The following CHRNA7 variants were observed in gnomAD, a reference collection of about 807,000 sequenced individuals.
CHRNA7 encodes the protein cholinergic receptor nicotinic alpha 7 subunit.
In CHRNA7, 17 loss-of-function variants were observed where a neutral mutation model predicts 48.0. That is an observed-to-expected ratio of 0.35 (90% CI 0.24 to 0.53). The LOEUF is 0.53. Among genes scored for constraint, CHRNA7 ranks in the 20% least tolerant of loss-of-function variants. The pLI is 0.92. For synonymous variants in CHRNA7, 75 were observed against 242.3 expected (o/e 0.31, Z 6.41); for missense variants, 155 against 577.7 (o/e 0.27, Z 7.50).
chr15:32,134,122 C>T (rs937419171), intron 4 of CHRNA7, among the ~76,000 whole-genome samples: 5 of 152,062 alleles, frequency 3.3e-5, no homozygotes, highest in African/African-American at 1.2e-4. Flanking sequence ...CCACATCCAT[C>T]CTGTCCCACC....
intron 3 of CHRNA7, among the ~76,000 whole-genome samples, chr15:32,110,636 A>C (rs1487566999): frequency 6.6e-6 from 1 of 152,176 alleles, no homozygotes. Flanking sequence ...CTAGGCCCAC[A>C]GCCCCTCATC....
intron 2 of CHRNA7, among the ~76,000 whole-genome samples, chr15:32,065,837 C>G (rs763200233): frequency 6.6e-6 from 1 of 150,722 alleles, no homozygotes; most frequent in African/African-American, 2.5e-5. Flanking sequence ...ACATAGCCCA[C>G]TGCAAACACT....
At chr15:32,082,886 A>G (rs1048790525) in intron 2 of CHRNA7, among the ~76,000 whole-genome samples, 2 of 152,122 alleles carry the variant, frequency 1.3e-5, no homozygotes, top group African/African-American at 2.4e-5. Flanking sequence ...TGTAATACCA[A>G]CACTTTGGGA....
At chr15:32,108,635 G>A (rs551806828) in intron 3 of CHRNA7, among the ~76,000 whole-genome samples, 10 of 152,210 alleles carry the variant, frequency 6.6e-5, no homozygotes, top group Non-Finnish European at 1.3e-4. Context: ...AGGGCACACA[G>A]CATGAGGTTC....
chr15:32,065,298 C>G (rs1329336453), intron 2 of CHRNA7, among the ~76,000 whole-genome samples: 2 of 152,134 alleles, frequency 1.3e-5, no homozygotes, highest in Admixed American at 6.5e-5. Context: ...GTGGAGAGAA[C>G]AGAGTTAAAG....
chr15:32,151,322 TC>T, intron 4 of CHRNA7, among the ~76,000 whole-genome samples: 1 of 152,142 alleles, frequency 6.6e-6, no homozygotes, highest in South Asian at 2.1e-4. Context: ...ATCCTCTAAA[TC>T]TCTTTTATCG....
chr15:32,075,467 T>C (rs1055693101), intron 2 of CHRNA7, among the ~76,000 whole-genome samples: 6 of 152,204 alleles, frequency 3.9e-5, no homozygotes, highest in Non-Finnish European at 8.8e-5. Context: ...TTCGTCTAAA[T>C]CGTCCAATTT....
intron 3 of CHRNA7, chr15:32,111,470 G>A (rs958443377): frequency 4.3e-6 from 1 of 234,662 alleles, no homozygotes; most frequent in East Asian, 9.0e-5. Context: ...AGGCAAAACA[G>A]TTATTCATTT....
chr15:32,059,157 C>T lies in CHRNA7; in HGVS notation c.195+28120C>T, dbSNP rs183465979. 2.5e-3 allele frequency among the ~76,000 whole-genome samples: 373 copies of T among 152,232 alleles called. 1 individual carries two copies. Among genetic ancestry groups the T allele is most frequent in the Middle Eastern group, 6.8e-3 (2 of 294 alleles). ...TGGCTGAGACTACAGGTGCACACCA[C>T]CATGCCCAGCACATTTTTGTATTAT... is the stretch of plus-strand genomic sequence containing the variant. On this transcript the variant is annotated intron_variant, in intron 2 of 9. Transcript: ENST00000306901.
chr15:32,055,391 T>C (rs1214213234), intron 2 of CHRNA7, among the ~76,000 whole-genome samples: 1 of 152,154 alleles, frequency 6.6e-6, no homozygotes, highest in Non-Finnish European at 1.5e-5. Flanking sequence ...TTTCTCATAG[T>C]TCTGGGGATG....
intron 2 of CHRNA7, among the ~76,000 whole-genome samples, chr15:32,077,925 A>G (rs2050159332): frequency 6.6e-6 from 1 of 152,218 alleles, no homozygotes. Flanking sequence ...GGATAGTACC[A>G]AGCCATTCAT....
chr15:32,040,040 G>A (rs551865433), intron 2 of CHRNA7, among the ~76,000 whole-genome samples: 3 of 152,042 alleles, frequency 2.0e-5, no homozygotes, highest in Admixed American at 2.0e-4. Context: ...TTTGAAGTAC[G>A]CTCTATCTGA....
chr15:32,030,902 C>T lies in CHRNA7; in HGVS notation c.60C>T (p.Ser20=), dbSNP rs905039503. 16 of 1,613,820 alleles carry T rather than the reference C, an allele frequency of 9.9e-6. No homozygotes were observed. Among genetic ancestry groups the T allele is most frequent in the Non-Finnish European group, 1.3e-5 (15 of 1,179,968 alleles). Residue 20 remains serine (S), a synonymous_variant, in exon 2 of 10, where the codon TCC becomes TCT. Transcript: ENST00000306901. ...LALAASLLHV[S]LQGEFQRKLY... is the part of the protein sequence containing the mutation. ...CCCGGGTCTTCTCTCCTTAAGTGTC[C>T]CTGCAAGGCGAGTTCCAGAGGAAGC...
intron 2 of CHRNA7, among the ~76,000 whole-genome samples, chr15:32,054,478 G>T (rs1302189366): frequency 1.3e-5 from 2 of 152,130 alleles, no homozygotes; most frequent in Non-Finnish European, 2.9e-5. Flanking sequence ...TAGTAGAGTA[G>T]ATATACACTA....
intron 3 of CHRNA7, among the ~76,000 whole-genome samples, chr15:32,109,673 G>A (rs926414930): frequency 3.9e-5 from 6 of 152,178 alleles, no homozygotes; most frequent in Non-Finnish European, 8.8e-5. Context: ...CCCTGACCCA[G>A]TGACTGACTA....
At chr15:32,041,621 C>A (rs1196024603) in intron 2 of CHRNA7, among the ~76,000 whole-genome samples, 1 of 152,216 alleles carries the variant, frequency 6.6e-6, no homozygotes, top group Admixed American at 6.5e-5. Context: ...TTCTCCTTCT[C>A]GCATTCCCAT....
At chr15:32,096,873 A>G (rs2050478063) in intron 2 of CHRNA7, among the ~76,000 whole-genome samples, 1 of 152,222 alleles carries the variant, frequency 6.6e-6, no homozygotes, top group Non-Finnish European at 1.5e-5. Context: ...AAAAGAATGA[A>G]GGGAGTTAGG....
In CHRNA7 at chr15:32,134,836, A is replaced by G. The variant is rs116212026; in HGVS notation, c.351-19071A>G. ...GAGAAATAATATAGCCATCAAAATT[A>G]AAGACAGTGGAGGCATAGAATGTCA... On this transcript the variant is annotated intron_variant, in intron 4 of 9. Coordinates refer to ENST00000306901, the MANE Select transcript of CHRNA7 (RefSeq NM_000746.6). Among the ~76,000 whole-genome samples, 623 of 152,370 alleles carry G rather than the reference A, an allele frequency of 4.1e-3. 8 individuals carry two copies. The highest frequency in any genetic ancestry group is 0.014 in the African/African-American group (599 of 41,594).
chr15:32,060,917 G>A (rs1469700381), intron 2 of CHRNA7, among the ~76,000 whole-genome samples: 1 of 152,196 alleles, frequency 6.6e-6, no homozygotes, highest in Non-Finnish European at 1.5e-5. Flanking sequence ...GGAGGACAGA[G>A]CACGTAGCCA....
Sources: allele counts gnomAD v4.1 joint callset (sites outside exome capture counted in the v4.1 genomes callset), GRCh38; gene constraint gnomAD v4.1.1; transcripts MANE v1.5; gene names NCBI Gene and HGNC (gene_info 2026-07-23, HGNC 2026-07-21).